The following RBMS1 variants were observed in gnomAD, a reference collection of about 807,000 sequenced individuals.
RBMS1 encodes the protein RNA binding motif single stranded interacting protein 1.
In RBMS1, 17 loss-of-function variants were observed where a neutral mutation model predicts 62.3. The ratio of observed to expected loss-of-function variants is 0.27; its 90% CI spans 0.19 to 0.41. RBMS1 has a LOEUF of 0.41. Ranked by LOEUF, RBMS1 falls within the 10% of genes least tolerant of loss-of-function variation. The probability of loss-of-function intolerance (pLI) is 1.00; values close to 1 mark genes in which losing one functional copy is unlikely to be tolerated. For synonymous variants in RBMS1, 172 were observed against 170.0 expected, an observed-to-expected ratio of 1.01 and a Z score of -0.09; for missense variants, 334 against 504.5, an observed-to-expected ratio of 0.66 and a Z score of 3.24.
At chr2:160,383,261 C>T (rs372118770) in intron 1 of RBMS1, among the ~76,000 whole-genome samples, 21 of 152,098 alleles carry the variant, frequency 1.4e-4, no homozygotes, top group African/African-American at 3.6e-4. Context: ...TGCCTTGTGA[C>T]GGCAGAATAC....
chr2:160,289,613 C>G (rs1046510150), intron 6 of RBMS1, among the ~76,000 whole-genome samples: 25 of 152,136 alleles, frequency 1.6e-4, no homozygotes, highest in Admixed American at 2.6e-4. Flanking sequence ...AGGGTCCTTG[C>G]CTCCCTGGGG....
intron 1 of RBMS1, among the ~76,000 whole-genome samples, chr2:160,380,767 C>A (rs1694249426): frequency 6.6e-6 from 1 of 152,180 alleles, no homozygotes; most frequent in Admixed American, 6.5e-5. Flanking sequence ...GCTTCCTTTT[C>A]TCCACTGCGG....
At chr2:160,275,575 C>T (rs973405057) in intron 13 of RBMS1, 55 bp downstream of exon 13, 1 of 1,588,978 alleles carries the variant, frequency 6.3e-7, no homozygotes, top group African/African-American at 1.3e-5. Flanking sequence ...TAAAAAAAGC[C>T]CTATAGATTG....
intron 2 of RBMS1, among the ~76,000 whole-genome samples, chr2:160,356,472 A>C (rs1167675950): frequency 7.1e-6 from 1 of 140,046 alleles, no homozygotes; most frequent in African/African-American, 2.9e-5. Context: ...GGTAAAGAGG[A>C]AGTTAATAAA....
At chr2:160,446,160 T>C (rs1683635246) in intron 1 of RBMS1, among the ~76,000 whole-genome samples, 1 of 152,204 alleles carries the variant, frequency 6.6e-6, no homozygotes, top group South Asian at 2.1e-4. Flanking sequence ...CAAAAAGTTT[T>C]ACATTTCAGA....
intron 1 of RBMS1, among the ~76,000 whole-genome samples, chr2:160,455,859 A>G (rs1684204022): frequency 6.6e-6 from 1 of 151,226 alleles, no homozygotes; most frequent in Non-Finnish European, 1.5e-5. Flanking sequence ...AATTTTTTGT[A>G]TTTTTAGTAG....
chr2:160,314,280 G>A (rs926600431), intron 3 of RBMS1, among the ~76,000 whole-genome samples: 3 of 152,228 alleles, frequency 2.0e-5, no homozygotes, highest in East Asian at 3.9e-4. Flanking sequence ...TGAGAAAAGG[G>A]TCAAGTTATA....
At chr2:160,479,825 G>A (rs1355954773) in intron 1 of RBMS1, among the ~76,000 whole-genome samples, 2 of 152,202 alleles carry the variant, frequency 1.3e-5, no homozygotes, top group African/African-American at 2.4e-5. Context: ...AAAATTTAGA[G>A]TTGAAGGAAC....
chr2:160,466,556 G>C (rs1684700095), intron 1 of RBMS1, among the ~76,000 whole-genome samples: 1 of 152,094 alleles, frequency 6.6e-6, no homozygotes, highest in Admixed American at 6.5e-5. Context: ...CACAGTAACA[G>C]AAAGCCAACA....
In RBMS1 at chr2:160,318,229, T is replaced by TG; in HGVS notation, c.252-3_252-2insC. 1 of 1,163,254 alleles carries TG rather than the reference T, an allele frequency of 8.6e-7. No individual in the cohort carries two copies. Among genetic ancestry groups the TG allele is most frequent in the Non-Finnish European group, 1.1e-6 (1 of 929,826 alleles). 72.1% of individuals were successfully genotyped at this position (1,163,254 alleles called of 1,614,324 possible). A position where few individuals can be genotyped will look rare whatever the true frequency, so the allele number is the denominator to read the frequency against. The stretch of plus-strand genomic sequence containing the variant: ...TTTGTGGAGACTATTTTCCCATATC[T>TG]AAAAAAAAAAAAAAAAAAAAAAAGG... On this transcript the variant is annotated splice_polypyrimidine_tract_variant and splice_region_variant and intron_variant, in intron 2 of 13. Transcript: ENST00000348849.
intron 2 of RBMS1, among the ~76,000 whole-genome samples, chr2:160,318,555 A>C (rs562158511): frequency 6.6e-6 from 1 of 152,220 alleles, no homozygotes; most frequent in Non-Finnish European, 1.5e-5. Flanking sequence ...TAATAACAGT[A>C]TATCAGTGGT....
At chr2:160,490,707 T>G (rs1276657544) in intron 1 of RBMS1, among the ~76,000 whole-genome samples, 1 of 152,208 alleles carries the variant, frequency 6.6e-6, no homozygotes, top group Non-Finnish European at 1.5e-5. Flanking sequence ...AAACAAACTG[T>G]TAAGTTCCAT....
intron 1 of RBMS1, among the ~76,000 whole-genome samples, chr2:160,471,691 GTATATATATATATATA>G (rs368982549): frequency 3.0e-5 from 2 of 65,950 alleles, no homozygotes; most frequent in Non-Finnish European, 6.3e-5. Context: ...ATCCTTTGGT[GTATATATATATATATA>G]TATATATATA....
chr2:160,340,962 TCA>T (rs1691836644), intron 2 of RBMS1, among the ~76,000 whole-genome samples: 2 of 152,190 alleles, frequency 1.3e-5, no homozygotes, highest in Non-Finnish European at 2.9e-5. Context: ...AAGTACATTT[TCA>T]CAGTTTACTC....
chr2:160,445,618 A>G (rs986115139), intron 1 of RBMS1, among the ~76,000 whole-genome samples: 1 of 152,236 alleles, frequency 6.6e-6, no homozygotes, highest in African/African-American at 2.4e-5. Context: ...AAGCTATTTG[A>G]ATAATTCATG....
At chr2:160,311,222 ATCTATCTATC>A (rs1689851499) in intron 4 of RBMS1, among the ~76,000 whole-genome samples, 2 of 75,514 alleles carry the variant, frequency 2.6e-5, no homozygotes, top group African/African-American at 9.5e-5. Context: ...CTATCTATCT[ATCTATCTATC>A]TATATATATA....
At chr2:160,301,250 T>A (rs1689192660) in intron 5 of RBMS1, among the ~76,000 whole-genome samples, 1 of 152,204 alleles carries the variant, frequency 6.6e-6, no homozygotes, top group African/African-American at 2.4e-5. Flanking sequence ...AAAATTAAAT[T>A]AGTGAAGTCA....
At chr2:160,291,925 C>G (rs930575636) in intron 6 of RBMS1, among the ~76,000 whole-genome samples, 1 of 152,202 alleles carries the variant, frequency 6.6e-6, no homozygotes, top group Non-Finnish European at 1.5e-5. Context: ...TCTATATTTA[C>G]TACTTTTCTA....
At chr2:160,477,174 C>A (rs1451140110) in intron 1 of RBMS1, among the ~76,000 whole-genome samples, 1 of 152,116 alleles carries the variant, frequency 6.6e-6, no homozygotes, top group Non-Finnish European at 1.5e-5. Flanking sequence ...GAGTGACAAA[C>A]AACCAACACA....
Sources: allele counts gnomAD v4.1 joint callset (sites outside exome capture counted in the v4.1 genomes callset), GRCh38; gene constraint gnomAD v4.1.1; transcripts MANE v1.5; gene names NCBI Gene and HGNC (gene_info 2026-07-23, HGNC 2026-07-21).